Variants in LPL observed in about 807,000 individuals in gnomAD.
LPL encodes phospholipase A1.
LPL carries 43 observed loss-of-function variants against 52.2 expected under a neutral mutation model. That is an observed-to-expected ratio of 0.82 (90% confidence interval 0.64 to 1.06). The LOEUF (loss-of-function observed/expected upper bound fraction) is 1.06. Among genes scored for constraint, LPL ranks in the 50% least tolerant of loss-of-function variants. The pLI is 0.00. For synonymous variants in LPL, 244 were observed against 215.6 expected (o/e 1.13, Z -1.15); for missense variants, 639 against 585.3 (o/e 1.09, Z -0.95).
intron 9 of LPL, 40 bp from the exon 10 acceptor site, chr8:19,965,270 G>A (rs760098468): frequency 2.6e-6 from 2 of 780,480 alleles, no homozygotes; most frequent in South Asian, 1.3e-5. Context: ...AAAACACTCA[G>A]AAGATAATAA....
intron 7 of LPL, among the ~76,000 whole-genome samples, 159 bp downstream of exon 7, chr8:19,959,539 GA>G (rs2070018634): frequency 6.6e-6 from 1 of 151,882 alleles, no homozygotes; most frequent in African/African-American, 2.4e-5. Flanking sequence ...TTGATATTGA[GA>G]AAAAAATGCT....
intron 1 of LPL, chr8:19,946,474 C>T: frequency 5.1e-6 from 1 of 195,450 alleles, no homozygotes; most frequent in Non-Finnish European, 1.1e-5. Context: ...AAGGCTGATT[C>T]AAATGCCTAT....
intron 6 of LPL, 137 bp from the exon 7 acceptor site, chr8:19,959,123 C>A (rs2070014114): frequency 9.9e-7 from 1 of 1,013,548 alleles, no homozygotes; most frequent in African/African-American, 1.6e-5. Context: ...TTCCAAGCCA[C>A]ACCAGTGGTT....
At position 19,962,117 on chromosome 8, in the gene LPL, T is replaced by G. The variant is rs116403115; in HGVS notation, c.1325T>G (p.Val442Gly). The G allele has an allele frequency of 2.4e-4, 386 of 1,608,498 alleles. 1 individual carries two copies. In the Middle Eastern group the frequency reaches 3.1e-3, roughly 13 times the overall value. ...RVKAGETQKKVIFCSREKVSH... is the reference protein window; with the variant it reads ...RVKAGETQKKGIFCSREKVSH... ...TTCACATCCATTTTCTTCCACAGGG[T>G]GATCTTCTGTTCTAGGGAGAAAGTG... Residue 442 changes from valine (V) to glycine (G), a missense_variant and splice_region_variant, in exon 9 of 10, where the codon GTG becomes GGG. By Grantham distance (109) the Val-to-Gly change is moderately radical (BLOSUM62 -3). Transcript: ENST00000650287.
chr8:19,952,383 C>T (rs1050544038), intron 3 of LPL, among the ~76,000 whole-genome samples: 8 of 151,978 alleles, frequency 5.3e-5, no homozygotes, highest in Admixed American at 2.6e-4. Context: ...ATAGGATGAA[C>T]GTTTTTGTTG....
At chr8:19,949,966 T>C (rs536076610) in intron 2 of LPL, among the ~76,000 whole-genome samples, 12 of 152,344 alleles carry the variant, frequency 7.9e-5, no homozygotes, top group Admixed American at 3.9e-4. Flanking sequence ...AAATGGTTCT[T>C]TTTCATACTA....
intron 1 of LPL, among the ~76,000 whole-genome samples, chr8:19,940,358 C>A (rs1033532239): frequency 3.3e-5 from 5 of 152,202 alleles, no homozygotes; most frequent in Admixed American, 6.5e-5. Context: ...GTCCTGGGGG[C>A]TGAGGTCAGC....
Position 19,939,270 on chromosome 8 carries a change from C to G in LPL, c.-171C>G. The stretch of plus-strand genomic sequence containing the variant: ...AAAACAGTGTCAGACTCGATTCCCC[C>G]TCTTCCTCCTCCTCAAGGGAAAGCT... On this transcript the variant is annotated 5_prime_UTR_variant, in exon 1 of 10. Coordinates refer to ENST00000650287, the MANE Select transcript of LPL (RefSeq NM_000237.3). The surrounding 1 kb of genome is among the most constrained non-coding windows in gnomAD (Gnocchi z 4.0). The G allele has an allele frequency of 1.6e-6, 1 of 624,950 alleles. No homozygotes were observed. The highest frequency in any genetic ancestry group is 2.9e-6 in the Non-Finnish European group (1 of 349,922). The allele number at this position is 624,950 out of a possible 1,614,324, so 38.7% of individuals were successfully genotyped here.
intron 1 of LPL, among the ~76,000 whole-genome samples, chr8:19,947,724 T>C (rs1374214132): frequency 3.1e-5 from 4 of 129,784 alleles, no homozygotes; most frequent in Non-Finnish European, 6.2e-5. Context: ...CATGAGTCAG[T>C]GTTCTCCACG....
At chr8:19,964,072 C>T (rs1345015200) in intron 9 of LPL, among the ~76,000 whole-genome samples, 1 of 152,042 alleles carries the variant, frequency 6.6e-6, no homozygotes, top group Non-Finnish European at 1.5e-5. Context: ...CCTGCCTCAG[C>T]CTCCCAAGTA....
At chr8:19,940,521 T>C (rs2069828633) in intron 1 of LPL, among the ~76,000 whole-genome samples, 1 of 152,270 alleles carries the variant, frequency 6.6e-6, no homozygotes, top group African/African-American at 2.4e-5. Context: ...GTCTCAGACC[T>C]GTCCGCAATG....
At position 19,956,058 on chromosome 8, in the gene LPL, G is replaced by A; in HGVS notation, c.993G>A (p.Lys331=). ...AAAGAAGCAGCAAAATGTACCTGAA[G>A]ACTCGTTCTCAGATGCCCTACAAAG... The part of the protein sequence containing the change: ...RAKRSSKMYL[K]TRSQMPYKVF... The change falls in exon 6 of 10, where the codon AAG becomes AAA. Residue 331 remains lysine, a synonymous_variant. Coordinates refer to ENST00000650287, the MANE Select transcript of LPL (RefSeq NM_000237.3). 2 of 1,614,180 alleles carry A rather than the reference G, an allele frequency of 1.2e-6. No homozygotes were observed. The highest frequency in any genetic ancestry group is 1.7e-6 in the Non-Finnish European group (2 of 1,180,036).
chr8:19,961,230 TC>T, intron 8 of LPL, 147 bp downstream of exon 8: 2 of 381,536 alleles, frequency 5.2e-6, no homozygotes, highest in South Asian at 3.2e-5. Flanking sequence ...TCTTTAGGAG[TC>T]TTCTTTTATT....
rs1387718651 is a variant in LPL at position 19,939,524 on chromosome 8, C to T, written c.84C>T (p.Ala28=). Residue 28 remains alanine, a synonymous_variant, in exon 1 of 10, where the codon GCC becomes GCT. Transcript: ENST00000650287. This position sits in a 1 kb window ranked among gnomAD's most constrained non-coding sequence, Gnocchi z 4.0. ...CCTCCCGCGGAGGGGTGGCCGCCGCCGACCGTAAGTTTTGCGCGCAAACTC... is the reference window on the plus strand; with the variant it reads ...CCTCCCGCGGAGGGGTGGCCGCCGCTGACCGTAAGTTTTGCGCGCAAACTC... ...LTASRGGVAA[A]DQRRDFIDIE... 1.9e-6 allele frequency: 3 copies of T among 1,607,400 alleles called. No individual in the cohort carries two copies. Among genetic ancestry groups the T allele is most frequent in the Non-Finnish European group, 2.5e-6 (3 of 1,177,724 alleles).
rs1223759523 is a variant in LPL at position 19,950,889 on chromosome 8, G to T, written c.250-880G>T. Among the ~76,000 whole-genome samples, 1 of 148,268 alleles carries T rather than the reference G, an allele frequency of 6.7e-6. No homozygotes were observed. Among genetic ancestry groups the T allele is most frequent in the Non-Finnish European group, 1.5e-5 (1 of 67,128 alleles). ...AGGGAAGGAGGGAGGGAGGAAGGAA[G>T]GAAGGAATGAAGGAAGGAAGGAAGG... On this transcript the variant is annotated intron_variant, in intron 2 of 9. Coordinates refer to ENST00000650287, the MANE Select transcript of LPL (RefSeq NM_000237.3). The surrounding 1 kb of genome is among the most constrained non-coding windows in gnomAD (Gnocchi z 4.2).
intron 3 of LPL, among the ~76,000 whole-genome samples, chr8:19,952,673 G>A (rs944946112): frequency 6.6e-6 from 1 of 151,908 alleles, no homozygotes; most frequent in Non-Finnish European, 1.5e-5. Flanking sequence ...CTTTTTTGCT[G>A]ACCAGGCAAA....
intron 9 of LPL, among the ~76,000 whole-genome samples, chr8:19,964,908 T>G (rs1034454586): frequency 1.5e-4 from 23 of 152,156 alleles, no homozygotes; most frequent in African/African-American, 5.6e-4. Flanking sequence ...TACAGTTTCT[T>G]TCTTCTGTGA....
At position 19,944,287 on chromosome 8, in the gene LPL, G is replaced by T. The variant is rs1431991406; in HGVS notation, c.89-3893G>T. ...ATATCTGAACAGACCAATCAATTCA[G>T]TCTGATCATGATATTGATGTTTTTC... is the stretch of plus-strand genomic sequence containing the variant. On this transcript the variant is annotated intron_variant, in intron 1 of 9. Coordinates refer to ENST00000650287, the MANE Select transcript of LPL (RefSeq NM_000237.3). This position sits in a 1 kb window ranked among gnomAD's most constrained non-coding sequence, Gnocchi z 4.2. Among the ~76,000 whole-genome samples, 2 of 152,200 alleles carry T rather than the reference G, an allele frequency of 1.3e-5. No individual in the cohort carries two copies. Among genetic ancestry groups the T allele is most frequent in the African/African-American group, 2.4e-5 (1 of 41,444 alleles).
At chr8:19,952,221 G>C (rs185834338) in intron 3 of LPL, among the ~76,000 whole-genome samples, 1 of 152,310 alleles carries the variant, frequency 6.6e-6, no homozygotes, top group Non-Finnish European at 1.5e-5. Flanking sequence ...GGGCCCAACA[G>C]AAAAAAGCTT....
Sources: allele counts gnomAD v4.1 joint callset (sites outside exome capture counted in the v4.1 genomes callset), GRCh38; gene constraint gnomAD v4.1.1; non-coding constraint Gnocchi (gnomAD v3.1); transcripts MANE v1.5; gene names NCBI Gene and HGNC (gene_info 2026-07-23, HGNC 2026-07-21).